The following MROH2B variants were observed in gnomAD, a reference collection of about 807,000 sequenced individuals.
The protein encoded by MROH2B is maestro heat-like repeat-containing protein family member 2B.
A neutral mutation model predicts 208.6 loss-of-function variants in MROH2B; 177 were observed. That is an observed-to-expected ratio of 0.85 (90% CI 0.75 to 0.96). MROH2B has a LOEUF of 0.96. MROH2B is among the 40% of genes least tolerant of loss of function. MROH2B has a pLI of 0.00. For missense variants in MROH2B, 2,002 were observed against 1,878.7 expected, an observed-to-expected ratio of 1.07 and a Z score of -1.21; for synonymous variants, 728 against 659.0, an observed-to-expected ratio of 1.10 and a Z score of -1.60.
At chr5:41,024,390 C>T (rs1742273783) in intron 24 of MROH2B, among the ~76,000 whole-genome samples, 1 of 152,098 alleles carries the variant, frequency 6.6e-6, no homozygotes, top group African/African-American at 2.4e-5. Context: ...CAATCCTAGT[C>T]TCTGATAAAA....
At chr5:41,058,676 G>A (rs776756247) in intron 6 of MROH2B, among the ~76,000 whole-genome samples, 1 of 151,980 alleles carries the variant, frequency 6.6e-6, no homozygotes, top group Non-Finnish European at 1.5e-5. Context: ...TTGAGACAGA[G>A]CTTTTCTATT....
chr5:41,041,069 T>G (rs1325222766), intron 19 of MROH2B, among the ~76,000 whole-genome samples: 1 of 151,990 alleles, frequency 6.6e-6, no homozygotes, highest in African/African-American at 2.4e-5. Context: ...ATACCAGAGA[T>G]AAGATGGAAA....
chr5:41,013,903 C>T (rs1741853065), intron 29 of MROH2B, among the ~76,000 whole-genome samples: 1 of 152,158 alleles, frequency 6.6e-6, no homozygotes, highest in East Asian at 1.9e-4. Flanking sequence ...TTCTAATTGC[C>T]TCATTTGATA....
At chr5:41,033,004 A>G in intron 23 of MROH2B, 37 bp downstream of exon 23, 6 of 1,611,232 alleles carry the variant, frequency 3.7e-6, no homozygotes, top group Non-Finnish European at 5.1e-6. Context: ...GTAATGGAAT[A>G]CTCAGGGCCT....
intron 24 of MROH2B, among the ~76,000 whole-genome samples, chr5:41,027,431 T>C (rs992684769): frequency 1.3e-5 from 2 of 151,162 alleles, no homozygotes; most frequent in African/African-American, 2.5e-5. Flanking sequence ...AACAGACACA[T>C]GAAAAAATGC....
intron 22 of MROH2B, 42 bp from the exon 23 acceptor site, chr5:41,033,202 A>T (rs1742635624): frequency 1.2e-6 from 2 of 1,605,864 alleles, no homozygotes; most frequent in African/African-American, 1.3e-5. Context: ...GGTCTAAGAC[A>T]CCACACTCAG....
rs1741347437 is a variant in MROH2B at position 41,000,280 on chromosome 5, ACGGTCTAATACC to A, written c.4410_4421del (p.Val1471_Arg1474del). On this transcript the variant is annotated inframe_deletion, in exon 39 of 42. Transcript: ENST00000399564. Reference sequence around the variant, plus strand: ...CCCTTGGTAGATCCTGATCAAGGAGACGGTCTAATACCCCATAGAGCTCCTGGAGGCCCAAAA... The same window carrying A: ...CCCTTGGTAGATCCTGATCAAGGAGACCATAGAGCTCCTGGAGGCCCAAAA... 7 of 1,613,936 alleles carry A rather than the reference ACGGTCTAATACC, an allele frequency of 4.3e-6. No homozygotes were observed. The highest frequency in any genetic ancestry group is 5.9e-6 in the Non-Finnish European group (7 of 1,179,836).
At chr5:41,045,628 C>CTT in intron 18 of MROH2B, 118 bp downstream of exon 18, 1 of 599,460 alleles carries the variant, frequency 1.7e-6, no homozygotes, top group Non-Finnish European at 2.9e-6. Flanking sequence ...AGAGGGAACT[C>CTT]TTTTTTTTTT....
Position 41,039,477 on chromosome 5 carries a change from G to T in MROH2B, c.2032C>A (p.Gln678Lys). ...VLKVLKTFQN[Q>K]EKFFMNRCKS... Reference sequence around the variant, plus strand: ...CATCGATTCATGAAAAACTTTTCCTGATTTTGGAATGTTTTAAGAACTTTT... The same window carrying T: ...CATCGATTCATGAAAAACTTTTCCTTATTTTGGAATGTTTTAAGAACTTTT... The change falls in exon 20 of 42, where the codon CAG becomes AAG. Residue 678 changes from glutamine (Q) to lysine (K), a missense_variant. Gln to Lys is a moderately conservative substitution (Grantham distance 53, BLOSUM62 1). Coordinates refer to ENST00000399564, the MANE Select transcript of MROH2B (RefSeq NM_173489.5). 1.2e-6 allele frequency: 2 copies of T among 1,601,596 alleles called. No homozygotes were observed. Among genetic ancestry groups the T allele is most frequent in the Non-Finnish European group, 1.7e-6 (2 of 1,172,950 alleles).
Position 41,065,571 on chromosome 5 carries a change from A to G in MROH2B, c.202-81T>C. ...ATGGAGGGGAACTAGTCAGCATAAT[A>G]TTTATATATGCATTTATTTATTTTT... is the stretch of plus-strand genomic sequence containing the variant. On this transcript the variant is annotated intron_variant, in intron 3 of 41. Transcript: ENST00000399564. 3 of 1,067,154 alleles carry G rather than the reference A, an allele frequency of 2.8e-6. 1 individual carries two copies. The South Asian group carries it at 5.0e-5, about 18-fold the overall frequency. The allele number at this position is 1,067,154 out of a possible 1,614,324, so 66.1% of individuals were successfully genotyped here.
chr5:41,042,284 A>T (rs1742980069), intron 18 of MROH2B, 76 bp from the exon 19 acceptor site: 3 of 861,754 alleles, frequency 3.5e-6, no homozygotes, highest in Non-Finnish European at 5.6e-6. Flanking sequence ...AAAGAGTTAA[A>T]ATAATCATCT....
At chr5:41,019,516 A>G (rs959273419) in intron 24 of MROH2B, among the ~76,000 whole-genome samples, 2 of 152,228 alleles carry the variant, frequency 1.3e-5, no homozygotes, top group Non-Finnish European at 2.9e-5. Flanking sequence ...ATAAATGACA[A>G]TGGAGTGTTT....
At chr5:41,045,069 C>A (rs1431485739) in intron 18 of MROH2B, among the ~76,000 whole-genome samples, 1 of 152,124 alleles carries the variant, frequency 6.6e-6, no homozygotes, top group African/African-American at 2.4e-5. Flanking sequence ...TGGCTTCAAA[C>A]CCCATTTGGA....
In MROH2B at chr5:41,064,584, C is replaced by T. The variant is rs1252577921; in HGVS notation, c.362-14G>A. ...TACTCTGGGACACTGGAGGGAGAGG[C>T]AGAAAGGAGACAAGTGTTATTTATC... On this transcript the variant is annotated splice_polypyrimidine_tract_variant and intron_variant, in intron 4 of 41. Transcript: ENST00000399564. The T allele has an allele frequency of 6.3e-7, 1 of 1,596,014 alleles. No homozygotes were observed. The highest frequency in any genetic ancestry group is 1.3e-5 in the African/African-American group (1 of 74,620).
chr5:41,063,067 G>A (rs16870766), intron 5 of MROH2B, among the ~76,000 whole-genome samples: 3,337 of 152,256 alleles, frequency 0.022, 129 homozygotes, highest in African/African-American at 0.076. Flanking sequence ...TTTAGTGGCA[G>A]TCAGGCAAAA....
At position 41,000,436 on chromosome 5, in the gene MROH2B, A is replaced by G; in HGVS notation, c.4351-85T>C. On this transcript the variant is annotated intron_variant, in intron 38 of 41. Coordinates refer to ENST00000399564, the MANE Select transcript of MROH2B (RefSeq NM_173489.5). ...AAAAAATGCTGAATAGTACTGGGAA[A>G]GAAGCACTAAAAGTCAGTGGTGTGA... The G allele has an allele frequency of 4.6e-6, 7 of 1,525,772 alleles. No individual in the cohort carries two copies. In the South Asian group the frequency reaches 9.1e-5, roughly 20 times the overall value. 94.5% of individuals were successfully genotyped at this position (1,525,772 alleles called of 1,614,324 possible). A position where few individuals can be genotyped will look rare whatever the true frequency, so the allele number is the denominator to read the frequency against.
intron 34 of MROH2B, among the ~76,000 whole-genome samples, chr5:41,006,032 C>CAAAAAAAAAAAAAA (rs5867531): frequency 7.7e-6 from 1 of 129,922 alleles, no homozygotes; most frequent in Non-Finnish European, 1.6e-5. Flanking sequence ...ATTCTGTCTC[C>CAAAAAAAAAAAAAA]AAAAAAAAAA....
At chr5:41,070,700 A>T in intron 1 of MROH2B, 125 bp downstream of exon 1, 1 of 878,846 alleles carries the variant, frequency 1.1e-6, no homozygotes, top group Middle Eastern at 2.2e-4. Context: ...CCATTTCATA[A>T]ATCCTTTGAG....
chr5:41,054,705 T>A (rs1743390164), intron 11 of MROH2B, 62 bp downstream of exon 11: 2 of 1,311,754 alleles, frequency 1.5e-6, no homozygotes, highest in Admixed American at 4.0e-5. Flanking sequence ...CCTTAAAGAA[T>A]CAAAATAATT....
Sources: allele counts gnomAD v4.1 joint callset (sites outside exome capture counted in the v4.1 genomes callset), GRCh38; gene constraint gnomAD v4.1.1; transcripts MANE v1.5; gene names NCBI Gene and HGNC (gene_info 2026-07-23, HGNC 2026-07-21).